The following AGBL1 variants were observed in gnomAD, a reference collection of about 807,000 sequenced individuals.
The protein encoded by AGBL1 is AGBL carboxypeptidase 1.
Under a neutral mutation model 118.9 loss-of-function variants are expected in AGBL1, and 130 were observed. The ratio of observed to expected loss-of-function variants is 1.09; its 90% CI spans 0.95 to 1.26. The LOEUF is 1.26. Ranked by LOEUF, AGBL1 falls within the 50% of genes most tolerant of loss-of-function variation. AGBL1 has a pLI of 0.00. For missense variants in AGBL1, 1,584 were observed against 1,298.1 expected, an observed-to-expected ratio of 1.22 and a Z score of -3.38; for synonymous variants, 555 against 478.9, an observed-to-expected ratio of 1.16 and a Z score of -2.08.
intron 1 of AGBL1, among the ~76,000 whole-genome samples, chr15:86,081,084 C>T (rs1003218631): frequency 9.9e-5 from 15 of 152,172 alleles, no homozygotes; most frequent in Admixed American, 3.3e-4. Context: ...CACTCTGTCG[C>T]CCAGGCTGGA....
intron 22 of AGBL1, among the ~76,000 whole-genome samples, chr15:86,787,866 T>C (rs552442886): frequency 6.6e-6 from 1 of 152,344 alleles, no homozygotes; most frequent in African/African-American, 2.4e-5. Flanking sequence ...ATCTTTTTTT[T>C]CTTCTTTGAA....
At chr15:86,262,354 G>A (rs1233464334) in intron 9 of AGBL1, among the ~76,000 whole-genome samples, 3 of 152,060 alleles carry the variant, frequency 2.0e-5, no homozygotes, top group African/African-American at 4.8e-5. Context: ...ACCGGGAAGA[G>A]TACCTGCTCA....
At chr15:86,513,422 A>T (rs2083076508) in intron 18 of AGBL1, among the ~76,000 whole-genome samples, 1 of 151,994 alleles carries the variant, frequency 6.6e-6, no homozygotes, top group South Asian at 2.1e-4. Flanking sequence ...GGGGCATGTG[A>T]TGTTGACATG....
intron 22 of AGBL1, among the ~76,000 whole-genome samples, chr15:86,897,399 A>G (rs751477474): frequency 1.6e-4 from 25 of 152,090 alleles, no homozygotes; most frequent in Non-Finnish European, 3.2e-4. Context: ...TTTTCTGTAT[A>G]TGAGATTTTT....
chr15:86,715,582 T>A (rs2086625287), intron 22 of AGBL1, among the ~76,000 whole-genome samples: 2 of 152,100 alleles, frequency 1.3e-5, no homozygotes. Flanking sequence ...ATGAAAACTG[T>A]ATTAAGCTTA....
At chr15:86,094,637 C>G (rs1246015821) in intron 1 of AGBL1, among the ~76,000 whole-genome samples, 1 of 152,178 alleles carries the variant, frequency 6.6e-6, no homozygotes, top group Non-Finnish European at 1.5e-5. Context: ...CTTCAGCAGT[C>G]ATCTAATCCT....
intron 18 of AGBL1, among the ~76,000 whole-genome samples, chr15:86,514,536 G>A (rs1192113495): frequency 6.6e-6 from 1 of 152,008 alleles, no homozygotes; most frequent in African/African-American, 2.4e-5. Flanking sequence ...ATAAATGTTT[G>A]TAACCCATTT....
chr15:86,450,811 G>C (rs1256850085), intron 18 of AGBL1, among the ~76,000 whole-genome samples: 1 of 152,128 alleles, frequency 6.6e-6, no homozygotes, highest in Non-Finnish European at 1.5e-5. Context: ...TTCTCTAGCT[G>C]AGTACCTAGG....
At chr15:86,333,571 CA>C (rs2080310753) in intron 17 of AGBL1, among the ~76,000 whole-genome samples, 1 of 152,102 alleles carries the variant, frequency 6.6e-6, no homozygotes, top group African/African-American at 2.4e-5. Context: ...ATCCCTGAAC[CA>C]GATGGATTCA....
At chr15:86,083,266 G>A (rs1895412383) in intron 1 of AGBL1, 1 of 152,208 alleles carries the variant, frequency 6.6e-6, no homozygotes, top group Non-Finnish European at 1.5e-5. Context: ...GAGAAGATGG[G>A]GAACTGCCAG....
chr15:86,828,324 C>G (rs535993845), intron 22 of AGBL1, among the ~76,000 whole-genome samples: 1 of 152,044 alleles, frequency 6.6e-6, no homozygotes, highest in Non-Finnish European at 1.5e-5. Context: ...GTCCATGTCA[C>G]AATCTCAGAA....
At chr15:86,447,346 G>A (rs1282590565) in intron 18 of AGBL1, among the ~76,000 whole-genome samples, 1 of 152,148 alleles carries the variant, frequency 6.6e-6, no homozygotes. Flanking sequence ...GAATTGTAGT[G>A]GACATTTTGT....
chr15:86,425,773 C>G (rs1596099947), intron 18 of AGBL1, among the ~76,000 whole-genome samples: 1 of 152,084 alleles, frequency 6.6e-6, no homozygotes, highest in East Asian at 1.9e-4. Context: ...ATATCTGATT[C>G]AAGAGGGAGA....
At chr15:86,672,305 A>C (rs563408136) in intron 21 of AGBL1, among the ~76,000 whole-genome samples, 1 of 152,180 alleles carries the variant, frequency 6.6e-6, no homozygotes, top group Non-Finnish European at 1.5e-5. Context: ...TGGGGCATCA[A>C]ATTTTTTTTA....
intron 17 of AGBL1, among the ~76,000 whole-genome samples, chr15:86,336,699 C>T (rs1378289054): frequency 3.3e-5 from 5 of 152,164 alleles, no homozygotes; most frequent in African/African-American, 1.2e-4. Flanking sequence ...AAGACACTGC[C>T]CATTTTCAGG....
chr15:86,716,488 G>A lies in AGBL1; in HGVS notation c.3158+42052G>A, dbSNP rs77338175. On this transcript the variant is annotated intron_variant, in intron 22 of 22. Coordinates refer to ENST00000614907, the MANE Select transcript of AGBL1 (RefSeq NM_001386094.1). ...AGCTGAGCTAAATGTGTCATTGGTA[G>A]TCACTGCTTAAAATTTCTACAGCTT... is the stretch of plus-strand genomic sequence containing the variant. 2.7e-3 allele frequency among the ~76,000 whole-genome samples: 407 copies of A among 152,216 alleles called. 1 individual carries two copies. The highest frequency in any genetic ancestry group is 9.2e-3 in the African/African-American group (384 of 41,544).
chr15:86,984,288 G>C (rs1170139904), intron 23 of AGBL1, among the ~76,000 whole-genome samples: 1 of 151,452 alleles, frequency 6.6e-6, no homozygotes, highest in Non-Finnish European at 1.5e-5. Context: ...ATCATTCGTA[G>C]ATCTTCTTGG....
chr15:86,587,697 C>A (rs1048355861), intron 21 of AGBL1, among the ~76,000 whole-genome samples: 1 of 152,172 alleles, frequency 6.6e-6, no homozygotes, highest in Non-Finnish European at 1.5e-5. Flanking sequence ...TTTAGAGAAA[C>A]TCAGAAGACA....
intron 18 of AGBL1, among the ~76,000 whole-genome samples, chr15:86,398,460 G>GA (rs987581153): frequency 5.3e-5 from 8 of 150,624 alleles, no homozygotes; most frequent in Non-Finnish European, 7.4e-5. Flanking sequence ...AACATTGAAG[G>GA]AAAAAAAATT....
Sources: gnomAD v4.1 joint callset for allele counts (sites outside exome capture counted in the v4.1 genomes callset) on GRCh38, gnomAD v4.1.1 for gene constraint, MANE v1.5 for transcripts, NCBI Gene and HGNC (gene_info 2026-07-23, HGNC 2026-07-21) for gene names.